The following ENOX1 variants were observed in gnomAD, a reference collection of about 807,000 sequenced individuals.
ENOX1 encodes candidate growth-related and time keeping constitutive hydroquinone (NADH) oxidase.
A neutral mutation model predicts 82.5 loss-of-function variants in ENOX1; 42 were observed. That is an observed-to-expected ratio of 0.51 (90% CI 0.40 to 0.66). ENOX1 has a LOEUF of 0.66. ENOX1 is among the 30% of genes least tolerant of loss of function. ENOX1 has a pLI of 0.00. For missense variants in ENOX1, 608 were observed against 811.6 expected (o/e 0.75, Z 3.05); for synonymous variants, 271 against 282.2 (o/e 0.96, Z 0.40).
chr13:43,454,367 T>C (rs2153633032), intron 3 of ENOX1, among the ~76,000 whole-genome samples: 1 of 152,248 alleles, frequency 6.6e-6, no homozygotes, highest in Non-Finnish European at 1.5e-5. Context: ...TTGGTTAATC[T>C]ATAGTCTTGT....
At chr13:43,518,403 A>G (rs2153681158) in intron 2 of ENOX1, among the ~76,000 whole-genome samples, 1 of 152,172 alleles carries the variant, frequency 6.6e-6, no homozygotes, top group South Asian at 2.1e-4. Context: ...ACAGGTAATC[A>G]GTTCCATGAT....
intron 3 of ENOX1, among the ~76,000 whole-genome samples, chr13:43,426,614 A>G (rs2055320000): frequency 6.6e-6 from 1 of 152,190 alleles, no homozygotes; most frequent in African/African-American, 2.4e-5. Context: ...ATAACAACTT[A>G]AGAAAATAAC....
intron 5 of ENOX1, among the ~76,000 whole-genome samples, chr13:43,390,163 C>G (rs1027420093): frequency 6.6e-6 from 1 of 152,118 alleles, no homozygotes; most frequent in African/African-American, 2.4e-5. Context: ...AAAAGCCAAG[C>G]AGCCTTCAGT....
chr13:43,279,550 CTG>C lies in ENOX1; in HGVS notation c.1447-9975_1447-9974del, dbSNP rs1328179616. ...TCTTCTACAGATGATTTTCTTAACA[CTG>C]TAATTTGCAGGGTCATCTCAGGTTC... On this transcript the variant is annotated intron_variant, in intron 12 of 16. Coordinates refer to ENST00000690772, the MANE Select transcript of ENOX1 (RefSeq NM_001347969.2). Among the ~76,000 whole-genome samples the C allele has an allele frequency of 3.9e-5, 6 of 152,338 alleles. No homozygotes were observed. The South Asian group carries it at 6.2e-4, about 16-fold the overall frequency.
intron 2 of ENOX1, among the ~76,000 whole-genome samples, chr13:43,623,711 G>A (rs2082847153): frequency 6.6e-6 from 1 of 152,112 alleles, no homozygotes; most frequent in Non-Finnish European, 1.5e-5. Context: ...ACACTGCTCT[G>A]TCCAGAGATG....
intron 2 of ENOX1, among the ~76,000 whole-genome samples, chr13:43,582,344 C>T (rs1432547671): frequency 6.6e-6 from 1 of 151,964 alleles, no homozygotes; most frequent in Non-Finnish European, 1.5e-5. Context: ...CTAAATTAAA[C>T]ATTCCATCCA....
chr13:43,352,311 T>A (rs1266627758), intron 8 of ENOX1, among the ~76,000 whole-genome samples: 3 of 152,200 alleles, frequency 2.0e-5, no homozygotes, highest in Non-Finnish European at 4.4e-5. Flanking sequence ...AAATGAAAGA[T>A]TATGTGAAGC....
chr13:43,313,361 T>G (rs1297282614), intron 11 of ENOX1, among the ~76,000 whole-genome samples: 1 of 152,134 alleles, frequency 6.6e-6, no homozygotes, highest in East Asian at 1.9e-4. Context: ...ATGTGGAAAT[T>G]CCCTAATTTA....
intron 1 of ENOX1, among the ~76,000 whole-genome samples, chr13:43,742,314 A>G (rs539142751): frequency 6.6e-6 from 1 of 152,092 alleles, no homozygotes; most frequent in African/African-American, 2.4e-5. Flanking sequence ...AGGAGCCAGT[A>G]GTGTTAGTCC....
intron 12 of ENOX1, among the ~76,000 whole-genome samples, chr13:43,278,568 T>C (rs1424674839): frequency 6.6e-6 from 1 of 152,228 alleles, no homozygotes; most frequent in East Asian, 1.9e-4. Flanking sequence ...TATGTTTACG[T>C]TTCAGTATTT....
At chr13:43,781,560 C>G in intron 1 of ENOX1, among the ~76,000 whole-genome samples, 1 of 152,016 alleles carries the variant, frequency 6.6e-6, no homozygotes, top group East Asian at 1.9e-4. Flanking sequence ...GTTGCCCAGG[C>G]TGGAGTGCAA....
chr13:43,525,985 T>C (rs1157631629), intron 2 of ENOX1, among the ~76,000 whole-genome samples: 1 of 152,174 alleles, frequency 6.6e-6, no homozygotes, highest in Non-Finnish European at 1.5e-5. Flanking sequence ...TCTTAATCTA[T>C]CCATAACGGT....
At chr13:43,586,741 C>T (rs1427182747) in intron 2 of ENOX1, among the ~76,000 whole-genome samples, 2 of 152,152 alleles carry the variant, frequency 1.3e-5, no homozygotes, top group Non-Finnish European at 1.5e-5. Context: ...TGTCCTCACA[C>T]TCCTGTGTTT....
intron 3 of ENOX1, among the ~76,000 whole-genome samples, chr13:43,445,998 A>G (rs944372961): frequency 3.3e-5 from 5 of 152,164 alleles, no homozygotes; most frequent in Non-Finnish European, 7.4e-5. Flanking sequence ...GTAATAGCTA[A>G]CCACACACTC....
intron 3 of ENOX1, among the ~76,000 whole-genome samples, chr13:43,420,618 G>A (rs551545616): frequency 6.3e-4 from 96 of 152,264 alleles, no homozygotes; most frequent in Admixed American, 2.5e-3. Context: ...AAAGAAAGGA[G>A]GGATCTTTGG....
chr13:43,487,261 C>T (rs913419483), intron 2 of ENOX1, among the ~76,000 whole-genome samples: 4 of 151,848 alleles, frequency 2.6e-5, no homozygotes, highest in African/African-American at 7.3e-5. Context: ...TGCTATGAAG[C>T]TCAGAGGAAT....
At chr13:43,367,505 G>T (rs2050925995) in intron 5 of ENOX1, among the ~76,000 whole-genome samples, 1 of 152,112 alleles carries the variant, frequency 6.6e-6, no homozygotes, top group Non-Finnish European at 1.5e-5. Context: ...CTGGAGAGAT[G>T]CACCTGCAAG....
At chr13:43,444,512 G>A (rs2056522540) in intron 3 of ENOX1, among the ~76,000 whole-genome samples, 1 of 152,194 alleles carries the variant, frequency 6.6e-6, no homozygotes, top group Non-Finnish European at 1.5e-5. Flanking sequence ...AAGGCCAGGG[G>A]TGACAATAGC....
chr13:43,655,204 T>A (rs1217799800), intron 2 of ENOX1, among the ~76,000 whole-genome samples: 2 of 152,178 alleles, frequency 1.3e-5, no homozygotes, highest in Non-Finnish European at 2.9e-5. Context: ...TCATAGCACA[T>A]CCAAAAGAGA....
Sources: gnomAD v4.1 joint callset for allele counts (sites outside exome capture counted in the v4.1 genomes callset) on GRCh38, gnomAD v4.1.1 for gene constraint, MANE v1.5 for transcripts, NCBI Gene and HGNC (gene_info 2026-07-23, HGNC 2026-07-21) for gene names.